Variants in MALAT1 observed in about 807,000 individuals in gnomAD.
MALAT1 encodes metastasis associated lung adenocarcinoma transcript 1, also known as hepcarcin.
chr11:65,505,055 A>G (rs886430443), intron 3 of MALAT1: 10 of 518,848 alleles, frequency 1.9e-5, no homozygotes, highest in African/African-American at 1.9e-4. Flanking sequence ...ATACAAAGTC[A>G]GATCAGTTAT....
chr11:65,498,333 T>TG (rs761852201), intron 1 of MALAT1: 4 of 517,718 alleles, frequency 7.7e-6, no homozygotes, highest in East Asian at 5.5e-5. Context: ...GTGCGGGCCG[T>TG]GGGGGGCTGG....
exon 3 of MALAT1, chr11:65,503,694 G>A: frequency 1.9e-6 from 1 of 517,696 alleles, no homozygotes; most frequent in South Asian, 1.4e-5. Context: ...CAGTGTTGGG[G>A]CAATCTTGGG....
chr11:65,498,259 G>A (rs1300657103), intron 1 of MALAT1: 1 of 518,632 alleles, frequency 1.9e-6, no homozygotes, highest in Non-Finnish European at 3.8e-6. Context: ...CGCTTTCCAT[G>A]GCGATTTGCC....
exon 3 of MALAT1, chr11:65,501,498 A>T (rs770931476): frequency 1.9e-6 from 1 of 517,966 alleles, no homozygotes; most frequent in East Asian, 5.5e-5. Flanking sequence ...TAACCCCTTA[A>T]ACTTGTTATT....
chr11:65,501,277 G>C (rs1938794), exon 3 of MALAT1: 1 of 517,256 alleles, frequency 1.9e-6, no homozygotes, highest in African/African-American at 1.9e-5. Flanking sequence ...TTTTCCCTTA[G>C]GTCTGTCTAG....
Position 65,497,782 on chromosome 11 carries a change from A to G in MALAT1, n.95A>G, listed in dbSNP as rs771410320. ...CTTCTGTAAAGGACTGGGGCCCCGCAACTGGCCTCTCCTGCCCTCTTAAGC... is the reference window on the plus strand; with the variant it reads ...CTTCTGTAAAGGACTGGGGCCCCGCGACTGGCCTCTCCTGCCCTCTTAAGC... On this transcript the variant is annotated non_coding_transcript_exon_variant, in exon 1 of 4. Coordinates refer to ENST00000619449, the Ensembl canonical transcript of MALAT1. The G allele has an allele frequency of 1.7e-5, 8 of 474,798 alleles. 1 individual carries two copies. Among genetic ancestry groups the G allele is most frequent in the South Asian group, 1.0e-4 (7 of 67,264 alleles). 29.4% of individuals were successfully genotyped at this position (474,798 alleles called of 1,614,324 possible).
At chr11:65,504,641 C>G (rs1255343165) in intron 3 of MALAT1, 1 of 518,856 alleles carries the variant, frequency 1.9e-6, no homozygotes, top group Admixed American at 1.9e-5. Context: ...GGGACTGAAG[C>G]CTTTAGTCTT....
chr11:65,499,829 A>C, exon 3 of MALAT1: 1 of 422,650 alleles, frequency 2.4e-6, no homozygotes, highest in Non-Finnish European at 4.6e-6. Context: ...GGCAAAATGT[A>C]CAAACTTAGA....
chr11:65,497,962 G>A (rs1854427977), intron 1 of MALAT1: 1 of 518,928 alleles, frequency 1.9e-6, no homozygotes, highest in South Asian at 1.4e-5. Flanking sequence ...CTTATAGGCT[G>A]GCCATTCCAG....
chr11:65,502,403 T>C (rs750465351), exon 3 of MALAT1: 4 of 506,300 alleles, frequency 7.9e-6, no homozygotes, highest in Admixed American at 4.1e-5. Flanking sequence ...AGTAAGATTC[T>C]ATTTTCAGTT....
exon 4 of MALAT1, chr11:65,506,346 T>C (rs1199729506): frequency 2.2e-6 from 1 of 464,580 alleles, no homozygotes; most frequent in Non-Finnish European, 4.2e-6. Context: ...TATATTCATA[T>C]TTACACGAGA....
At chr11:65,499,724 A>C (rs1029574243) in exon 3 of MALAT1, 1 of 433,196 alleles carries the variant, frequency 2.3e-6, no homozygotes, top group Non-Finnish European at 4.5e-6. Flanking sequence ...GGAAATTAGA[A>C]GATAAAAACA....
chr11:65,500,584 T>A, exon 3 of MALAT1: 1 of 518,814 alleles, frequency 1.9e-6, no homozygotes, highest in Non-Finnish European at 3.8e-6. Flanking sequence ...GAAGGAGCGC[T>A]AACGATTTGG....
At chr11:65,505,178 A>G in intron 3 of MALAT1, 1 of 518,654 alleles carries the variant, frequency 1.9e-6, no homozygotes, top group South Asian at 1.4e-5. Context: ...TTTTTTTAAG[A>G]TTTTTCAGGT....
At chr11:65,500,893 C>T (rs2134981761) in exon 3 of MALAT1, 1 of 515,892 alleles carries the variant, frequency 1.9e-6, no homozygotes, top group African/African-American at 1.9e-5. Flanking sequence ...GGACGTAGGC[C>T]GATTTCCGGG....
At chr11:65,503,993 T>G (rs937158436) in intron 3 of MALAT1, 1 of 516,974 alleles carries the variant, frequency 1.9e-6, no homozygotes, top group African/African-American at 1.9e-5. Context: ...ATTAGAGTAA[T>G]ACTTTTTCAC....
At chr11:65,505,238 T>C (rs754283732) in intron 3 of MALAT1, 1 of 518,360 alleles carries the variant, frequency 1.9e-6, no homozygotes, top group Admixed American at 1.9e-5. Context: ...CCATGGAGCC[T>C]TCCTGTGGCA....
chr11:65,498,516 A>G (rs952822006), intron 1 of MALAT1: 1 of 517,034 alleles, frequency 1.9e-6, no homozygotes, highest in African/African-American at 1.9e-5. Context: ...CTCGAACAAA[A>G]AAGCAAAACG....
exon 3 of MALAT1, chr11:65,501,777 T>C (rs1484857085): frequency 1.9e-6 from 1 of 518,848 alleles, no homozygotes; most frequent in Non-Finnish European, 3.8e-6. Flanking sequence ...TCAGAAGAGC[T>C]TGAGTAGGCC....
Sources: allele counts gnomAD v4.1 joint callset, GRCh38; gene constraint gnomAD v4.1.1; transcripts MANE v1.5; gene names NCBI Gene and HGNC (gene_info 2026-07-23, HGNC 2026-07-21).